Variants in CNTN4 observed in about 807,000 individuals in gnomAD.
CNTN4 encodes contactin 4.
A neutral mutation model predicts 122.5 loss-of-function variants in CNTN4; 77 were observed. The observed-to-expected ratio is 0.63, with a 90% CI of 0.52 to 0.76. The LOEUF (loss-of-function observed/expected upper bound fraction) is 0.76, where lower values mean the gene tolerates loss of function less well. Among genes scored for constraint, CNTN4 ranks in the 30% least tolerant of loss-of-function variants. The pLI is 0.00. For synonymous variants in CNTN4, 512 were observed against 447.0 expected (o/e 1.15, Z -1.83); for missense variants, 1,256 against 1,259.1 (o/e 1.00, Z 0.04).
chr3:3,014,430 C>T (rs1249091052), intron 14 of CNTN4, among the ~76,000 whole-genome samples: 1 of 152,182 alleles, frequency 6.6e-6, no homozygotes, highest in African/African-American at 2.4e-5. Flanking sequence ...TACAGCTTAT[C>T]TGCAAATGAC....
chr3:2,648,779 G>A (rs2083240654), intron 4 of CNTN4, among the ~76,000 whole-genome samples: 1 of 152,218 alleles, frequency 6.6e-6, no homozygotes, highest in South Asian at 2.1e-4. Flanking sequence ...AGGAAGGCAT[G>A]GTGAAAGCCA....
At chr3:2,757,358 T>G (rs1246008484) in intron 6 of CNTN4, among the ~76,000 whole-genome samples, 1 of 151,872 alleles carries the variant, frequency 6.6e-6, no homozygotes, top group Non-Finnish European at 1.5e-5. Context: ...TGATGCGGAG[T>G]AGTTTGTTGG....
At chr3:2,926,433 G>C (rs1007012064) in intron 13 of CNTN4, among the ~76,000 whole-genome samples, 2 of 152,056 alleles carry the variant, frequency 1.3e-5, no homozygotes, top group African/African-American at 2.4e-5. Context: ...TTTTACATTA[G>C]CTTGCACGAA....
intron 3 of CNTN4, among the ~76,000 whole-genome samples, chr3:2,361,160 T>A (rs1323473934): frequency 1.3e-5 from 2 of 152,328 alleles, no homozygotes; most frequent in Admixed American, 6.5e-5. Flanking sequence ...TCTTCTTTAA[T>A]CTTAATAGCA....
intron 8 of CNTN4, among the ~76,000 whole-genome samples, chr3:2,875,278 C>T (rs534755208): frequency 1.3e-5 from 2 of 152,188 alleles, no homozygotes; most frequent in African/African-American, 2.4e-5. Flanking sequence ...CTACCATGCC[C>T]GGACAGTTGT....
intron 4 of CNTN4, among the ~76,000 whole-genome samples, chr3:2,717,227 G>A (rs933520432): frequency 6.6e-6 from 1 of 152,050 alleles, no homozygotes; most frequent in Admixed American, 6.6e-5. Flanking sequence ...TCAGTAGGGT[G>A]CCCACTACCC....
intron 4 of CNTN4, among the ~76,000 whole-genome samples, chr3:2,715,271 T>G (rs989974049): frequency 6.6e-6 from 1 of 152,192 alleles, no homozygotes; most frequent in Admixed American, 6.5e-5. Context: ...AATACATATG[T>G]AAAGGGATAA....
intron 4 of CNTN4, among the ~76,000 whole-genome samples, chr3:2,659,107 G>A (rs1382089330): frequency 3.3e-5 from 5 of 151,878 alleles, no homozygotes; most frequent in African/African-American, 1.2e-4. Context: ...CACATACTTT[G>A]TCTCATTAGA....
Position 2,128,302 on chromosome 3 carries a change from G to T in CNTN4, c.-145+27663G>T, listed in dbSNP as rs73806305. 2.0e-5 allele frequency among the ~76,000 whole-genome samples: 3 copies of T among 152,256 alleles called. No homozygotes were observed. In the East Asian group the frequency reaches 5.8e-4, roughly 29 times the overall value. ...GGCCAAAAGAAAACACATATTTCCA[G>T]AATGGACACAGTGATACTAGCTAAT... On this transcript the variant is annotated intron_variant, in intron 2 of 24. Transcript: ENST00000418658.
intron 3 of CNTN4, among the ~76,000 whole-genome samples, chr3:2,472,604 T>C (rs948336081): frequency 1.3e-5 from 2 of 151,994 alleles, no homozygotes; most frequent in Non-Finnish European, 2.9e-5. Context: ...GCAATAAAGG[T>C]GATAGATAAC....
intron 14 of CNTN4, among the ~76,000 whole-genome samples, chr3:2,996,360 G>A (rs146433939): frequency 2.0e-5 from 3 of 152,194 alleles, no homozygotes; most frequent in Admixed American, 1.3e-4. Context: ...GATATTGCAG[G>A]CAAAGCCATC....
chr3:2,641,371 A>G (rs1354089744), intron 4 of CNTN4, among the ~76,000 whole-genome samples: 1 of 152,190 alleles, frequency 6.6e-6, no homozygotes. Flanking sequence ...TGTAGACGTG[A>G]AAGCAGGAAA....
chr3:2,478,956 C>T (rs935638674), intron 3 of CNTN4, among the ~76,000 whole-genome samples: 1 of 152,076 alleles, frequency 6.6e-6, no homozygotes, highest in Non-Finnish European at 1.5e-5. Flanking sequence ...TTGATCACAG[C>T]TTTGGCAAAA....
intron 4 of CNTN4, among the ~76,000 whole-genome samples, chr3:2,600,020 T>C (rs1193273659): frequency 3.5e-5 from 5 of 142,162 alleles, no homozygotes; most frequent in Non-Finnish European, 6.1e-5. Flanking sequence ...TTTTTTTTTT[T>C]TTTTTTTTTT....
intron 4 of CNTN4, among the ~76,000 whole-genome samples, chr3:2,658,961 A>ACACAC (rs1559355809): frequency 8.5e-5 from 5 of 59,132 alleles, no homozygotes; most frequent in East Asian, 4.4e-4. Context: ...CACACACACA[A>ACACAC]ACAGACACAC....
intron 4 of CNTN4, among the ~76,000 whole-genome samples, chr3:2,639,554 C>G (rs1419395483): frequency 6.6e-6 from 1 of 152,146 alleles, no homozygotes; most frequent in African/African-American, 2.4e-5. Flanking sequence ...TTCTAACACA[C>G]TATGTATTTT....
At position 2,819,493 on chromosome 3, in the gene CNTN4, C is replaced by T; in HGVS notation, c.366C>T (p.Asp122=). The T allele has an allele frequency of 6.2e-7, 1 of 1,613,480 alleles. No homozygotes were observed. Among genetic ancestry groups the T allele is most frequent in the Non-Finnish European group, 8.5e-7 (1 of 1,179,420 alleles). ...REAKLQFAYL[D]NFKTRTRSTV... is the part of the protein sequence containing the mutation. ...CCATATTTCTCCCAACAGATCTTGA[C>T]AACTTTAAAACAAGAACAAGAAGCA... The change falls in exon 7 of 25, where the codon GAC becomes GAT. Residue 122 remains aspartate (D), a synonymous_variant. Transcript: ENST00000418658.
chr3:2,618,941 C>T (rs768045557), intron 4 of CNTN4, among the ~76,000 whole-genome samples: 3 of 152,130 alleles, frequency 2.0e-5, no homozygotes, highest in Non-Finnish European at 4.4e-5. Flanking sequence ...CAGATCATTG[C>T]AGAGACTGGG....
chr3:2,725,660 A>G (rs2088175117), intron 4 of CNTN4, among the ~76,000 whole-genome samples: 1 of 152,194 alleles, frequency 6.6e-6, no homozygotes, highest in Non-Finnish European at 1.5e-5. Flanking sequence ...CAGAAGGGGT[A>G]CAGTTCAAGG....
Sources: gnomAD v4.1 joint callset for allele counts (sites outside exome capture counted in the v4.1 genomes callset) on GRCh38, gnomAD v4.1.1 for gene constraint, MANE v1.5 for transcripts, NCBI Gene and HGNC (gene_info 2026-07-23, HGNC 2026-07-21) for gene names.